The following PTPRT variants were observed in gnomAD, a reference collection of about 807,000 sequenced individuals.
PTPRT encodes the protein receptor-type tyrosine-protein phosphatase T.
A neutral mutation model predicts 176.8 loss-of-function variants in PTPRT; 56 were observed. That is an observed-to-expected ratio of 0.32 (90% CI 0.26 to 0.40). The LOEUF is 0.40. PTPRT is among the 10% of genes least tolerant of loss of function. The pLI is 1.00. For missense variants in PTPRT, 1,540 were observed against 1,908.2 expected, an observed-to-expected ratio of 0.81 and a Z score of 3.60; for synonymous variants, 783 against 739.0, an observed-to-expected ratio of 1.06 and a Z score of -0.96.
chr20:42,611,648 G>A (rs2073978389), intron 7 of PTPRT, among the ~76,000 whole-genome samples: 1 of 152,164 alleles, frequency 6.6e-6, no homozygotes, highest in Admixed American at 6.5e-5. Flanking sequence ...TTGCTGAGAT[G>A]GTCAGGAATG....
chr20:42,747,465 T>C (rs893416533), intron 6 of PTPRT, among the ~76,000 whole-genome samples: 10 of 151,888 alleles, frequency 6.6e-5, no homozygotes, highest in African/African-American at 2.4e-4. Flanking sequence ...CAATGTCAGA[T>C]AGTGACAAGA....
At chr20:43,052,574 T>G (rs1159608787) in intron 1 of PTPRT, among the ~76,000 whole-genome samples, 13 of 152,236 alleles carry the variant, frequency 8.5e-5, no homozygotes, top group Non-Finnish European at 1.5e-5. Context: ...TATTAATGCT[T>G]TGTGAAAAAC....
At chr20:42,098,342 C>T (rs933981266) in intron 27 of PTPRT, 79 bp downstream of exon 27, 31 of 1,565,450 alleles carry the variant, frequency 2.0e-5, no homozygotes, top group Admixed American at 1.9e-4. Flanking sequence ...TGGCAGGCAC[C>T]GGCTGTCAAG....
chr20:43,091,752 C>T (rs921140866), intron 1 of PTPRT, among the ~76,000 whole-genome samples: 1 of 151,870 alleles, frequency 6.6e-6, no homozygotes, highest in African/African-American at 2.4e-5. Context: ...GAAGAGCAGC[C>T]CCAAGATGAT....
chr20:43,111,126 C>G (rs1186317162), intron 1 of PTPRT, among the ~76,000 whole-genome samples: 3 of 152,132 alleles, frequency 2.0e-5, no homozygotes, highest in African/African-American at 7.2e-5. Flanking sequence ...AGACAAGCAG[C>G]CCAAGGTGCA....
At chr20:42,712,198 C>T (rs181819446) in intron 6 of PTPRT, among the ~76,000 whole-genome samples, 7 of 152,208 alleles carry the variant, frequency 4.6e-5, no homozygotes, top group Admixed American at 2.0e-4. Flanking sequence ...AACAGGCTCC[C>T]GAAGAGGTCC....
intron 6 of PTPRT, among the ~76,000 whole-genome samples, chr20:42,743,271 C>A (rs1189966306): frequency 6.6e-6 from 1 of 152,150 alleles, no homozygotes; most frequent in Admixed American, 6.5e-5. Flanking sequence ...TAATGAAAAG[C>A]TGGTGCAAGC....
chr20:42,982,834 A>T (rs1983358786), intron 1 of PTPRT, among the ~76,000 whole-genome samples: 1 of 152,212 alleles, frequency 6.6e-6, no homozygotes, highest in African/African-American at 2.4e-5. Context: ...GAGGTTGAGG[A>T]TCTGATGACT....
intron 1 of PTPRT, among the ~76,000 whole-genome samples, chr20:43,004,960 T>C (rs1396708937): frequency 1.3e-5 from 2 of 152,194 alleles, no homozygotes; most frequent in Non-Finnish European, 2.9e-5. Flanking sequence ...TGTTTAGGGA[T>C]GTAAGCATCA....
chr20:42,595,855 G>A (rs1187063164), intron 7 of PTPRT, among the ~76,000 whole-genome samples: 2 of 152,140 alleles, frequency 1.3e-5, no homozygotes, highest in Non-Finnish European at 2.9e-5. Context: ...TAGAGACAAG[G>A]CTGCCCAGGC....
intron 11 of PTPRT, among the ~76,000 whole-genome samples, chr20:42,322,944 G>C (rs931323137): frequency 1.3e-5 from 2 of 151,954 alleles, no homozygotes; most frequent in South Asian, 4.2e-4. Flanking sequence ...CAAAAAGTGG[G>C]CGAAGGACAT....
chr20:42,311,679 A>G (rs1342028574), intron 12 of PTPRT, among the ~76,000 whole-genome samples: 3 of 151,988 alleles, frequency 2.0e-5, no homozygotes, highest in African/African-American at 7.2e-5. Flanking sequence ...GGAGCAAAAC[A>G]ACACTTTTTT....
chr20:42,840,397 T>C (rs6103065), intron 2 of PTPRT, among the ~76,000 whole-genome samples: 1 of 152,044 alleles, frequency 6.6e-6, no homozygotes, highest in African/African-American at 2.4e-5. Flanking sequence ...ATCTTTTTTG[T>C]TTTTTTATTT....
intron 22 of PTPRT, 92 bp from the exon 23 acceptor site, chr20:42,110,579 C>A (rs965135108): frequency 5.1e-6 from 7 of 1,377,796 alleles, no homozygotes; most frequent in Non-Finnish European, 3.9e-6. Context: ...CACTGAGGAA[C>A]CTCCCGCAGG....
At chr20:42,472,925 C>T (rs1030987944) in intron 7 of PTPRT, among the ~76,000 whole-genome samples, 1 of 152,166 alleles carries the variant, frequency 6.6e-6, no homozygotes, top group African/African-American at 2.4e-5. Context: ...CTGGGATACG[C>T]TTATTTAGAC....
chr20:42,438,277 T>C (rs2059280915), intron 9 of PTPRT, among the ~76,000 whole-genome samples: 2 of 152,216 alleles, frequency 1.3e-5, no homozygotes, highest in South Asian at 4.1e-4. Context: ...ACCGGGAGAC[T>C]TTTGTTTTAA....
At chr20:42,320,732 A>T (rs2867030) in intron 11 of PTPRT, among the ~76,000 whole-genome samples, 2 of 151,900 alleles carry the variant, frequency 1.3e-5, no homozygotes, top group Non-Finnish European at 2.9e-5. Context: ...TCTCATAGGG[A>T]GCTCTGGAGC....
chr20:43,117,077 A>G (rs2013087883), intron 1 of PTPRT, among the ~76,000 whole-genome samples: 1 of 152,108 alleles, frequency 6.6e-6, no homozygotes, highest in Admixed American at 6.5e-5. Context: ...TGTGTTTCTC[A>G]TGGCAATGAC....
chr20:42,945,839 G>C (rs73273615), intron 1 of PTPRT, among the ~76,000 whole-genome samples: 8,018 of 151,844 alleles, frequency 0.053, 597 homozygotes, highest in African/African-American at 0.16. Flanking sequence ...TTTCATCACC[G>C]CCAGAGAAGA....
Sources: gnomAD v4.1 joint callset for allele counts (sites outside exome capture counted in the v4.1 genomes callset) on GRCh38, gnomAD v4.1.1 for gene constraint, MANE v1.5 for transcripts, NCBI Gene and HGNC (gene_info 2026-07-23, HGNC 2026-07-21) for gene names.